The following ARHGEF26 variants were observed in gnomAD, a reference collection of about 807,000 sequenced individuals.
ARHGEF26 encodes Rho guanine nucleotide exchange factor (GEF) 26.
Under a neutral mutation model 89.4 loss-of-function variants are expected in ARHGEF26, and 59 were observed. The observed-to-expected ratio is 0.66, with a 90% CI of 0.54 to 0.82. The LOEUF is 0.82. Among genes scored for constraint, ARHGEF26 ranks in the 40% least tolerant of loss-of-function variants. The pLI, the probability that ARHGEF26 is intolerant of heterozygous loss-of-function variation, is 0.00. For synonymous variants in ARHGEF26, 500 were observed against 428.4 expected, an observed-to-expected ratio of 1.17 and a Z score of -2.06; for missense variants, 1,234 against 1,085.6, an observed-to-expected ratio of 1.14 and a Z score of -1.92.
chr3:154,250,053 G>A lies in ARHGEF26; in HGVS notation c.2301-3063G>A, dbSNP rs143075760. On this transcript the variant is annotated intron_variant, in intron 12 of 14. Coordinates refer to ENST00000465093, the MANE Select transcript of ARHGEF26 (RefSeq NM_015595.4). The stretch of plus-strand genomic sequence containing the variant: ...TTAGCAGGCTCTTTTTTTTTGAGAC[G>A]GAGTTTTGCTCTTGTCGCCTAGGCT... Among the ~76,000 whole-genome samples the A allele has an allele frequency of 2.3e-3, 354 of 151,768 alleles. 1 individual carries two copies. The highest frequency in any genetic ancestry group is 7.9e-3 in the African/African-American group (327 of 41,386).
intron 4 of ARHGEF26, among the ~76,000 whole-genome samples, chr3:154,142,872 C>T (rs1241004160): frequency 6.6e-6 from 1 of 152,182 alleles, no homozygotes; most frequent in Non-Finnish European, 1.5e-5. Context: ...TCATTTTCAG[C>T]ACTGCCTCAT....
At chr3:154,173,837 C>A (rs543284116) in intron 6 of ARHGEF26, among the ~76,000 whole-genome samples, 1 of 152,244 alleles carries the variant, frequency 6.6e-6, no homozygotes, top group East Asian at 1.9e-4. Context: ...CCTAAAAACT[C>A]AGTTTGTTTC....
intron 6 of ARHGEF26, among the ~76,000 whole-genome samples, chr3:154,176,134 T>A (rs1712801619): frequency 6.6e-6 from 1 of 152,184 alleles, no homozygotes; most frequent in South Asian, 2.1e-4. Flanking sequence ...TCCATCCCTT[T>A]TAAACCGGAG....
intron 6 of ARHGEF26, among the ~76,000 whole-genome samples, chr3:154,156,382 T>C (rs927813474): frequency 6.6e-6 from 1 of 152,252 alleles, no homozygotes. Flanking sequence ...TTTTGTCTAT[T>C]TTTTATTTAA....
chr3:154,160,823 G>A (rs992374167), intron 6 of ARHGEF26, among the ~76,000 whole-genome samples: 1 of 152,092 alleles, frequency 6.6e-6, no homozygotes, highest in Non-Finnish European at 1.5e-5. Context: ...CCTAGGTGCA[G>A]GAATTGATGA....
At chr3:154,159,111 TCTTTG>T (rs1711521528) in intron 6 of ARHGEF26, among the ~76,000 whole-genome samples, 1 of 152,086 alleles carries the variant, frequency 6.6e-6, no homozygotes, top group Non-Finnish European at 1.5e-5. Flanking sequence ...ATTAGATGAG[TCTTTG>T]CTTTGATGTT....
chr3:154,171,156 G>T (rs1185943949), intron 6 of ARHGEF26, among the ~76,000 whole-genome samples: 1 of 152,124 alleles, frequency 6.6e-6, no homozygotes, highest in South Asian at 2.1e-4. Flanking sequence ...TTTCCCACTG[G>T]ACAGCTCTTT....
Position 154,256,403 on chromosome 3 carries a change from A to C in ARHGEF26, c.*930A>C. On this transcript the variant is annotated 3_prime_UTR_variant, in exon 15 of 15. Transcript: ENST00000465093. ...ACGCCCAGCTACTTTTTGTATTTTT[A>C]GTAGAGACAGGGTTTCATCATGTTG... The C allele has an allele frequency of 1.3e-6, 1 of 758,712 alleles. No individual in the cohort carries two copies. 47.0% of individuals were successfully genotyped at this position (758,712 alleles called of 1,614,324 possible).
At chr3:154,204,036 C>T (rs753046162) in intron 9 of ARHGEF26, among the ~76,000 whole-genome samples, 8 of 152,046 alleles carry the variant, frequency 5.3e-5, no homozygotes, top group Non-Finnish European at 1.0e-4. Context: ...AGTATTCCCT[C>T]CTCCTCTATT....
rs371599338 is a variant in ARHGEF26 at position 154,142,941 on chromosome 3, C to T, written c.1270-6448C>T. The stretch of plus-strand genomic sequence containing the variant: ...TTTCTTTCTTATTGCCTCCCTTTAC[C>T]TTAGCTTCTCATTTCTTTTATCTAC... On this transcript the variant is annotated intron_variant, in intron 4 of 14. Transcript: ENST00000465093. 3.9e-5 allele frequency among the ~76,000 whole-genome samples: 6 copies of T among 152,186 alleles called. No individual in the cohort carries two copies. The East Asian group carries it at 5.8e-4, about 15-fold the overall frequency.
chr3:154,123,180 T>A, intron 2 of ARHGEF26, 105 bp downstream of exon 2: 2 of 1,481,510 alleles, frequency 1.3e-6, no homozygotes, highest in Non-Finnish European at 1.8e-6. Flanking sequence ...TCATTCCGTT[T>A]TAATTCTGTG....
Position 154,187,692 on chromosome 3 carries a change from A to G in ARHGEF26, c.1495A>G (p.Ile499Val), listed in dbSNP as rs956068222. 19 of 1,602,364 alleles carry G rather than the reference A, an allele frequency of 1.2e-5. No homozygotes were observed. The highest frequency in any genetic ancestry group is 2.6e-6 in the Non-Finnish European group (3 of 1,174,304). ...DVCEASKKFF[I>V]ELEARHQNNI... ...TTCCCTTTGGTTTTTCAGGTTCTTT[A>G]TAGAGTTGGAAGCAAGACATCAGAA... Residue 499 changes from isoleucine (I) to valine (V), a missense_variant, in exon 7 of 15, where the codon ATA becomes GTA. Transcript: ENST00000465093.
At chr3:154,176,402 T>TA (rs912665767) in intron 6 of ARHGEF26, among the ~76,000 whole-genome samples, 4 of 151,672 alleles carry the variant, frequency 2.6e-5, no homozygotes, top group African/African-American at 4.8e-5. Context: ...AAGAGGCAAT[T>TA]AAAAAAAAGA....
chr3:154,214,029 C>T (rs182826664), intron 9 of ARHGEF26, among the ~76,000 whole-genome samples: 7 of 152,132 alleles, frequency 4.6e-5, no homozygotes, highest in Admixed American at 2.6e-4. Context: ...AGGAGTCAGT[C>T]GGACAGAGTG....
At chr3:154,229,513 G>T (rs1348043109) in intron 11 of ARHGEF26, among the ~76,000 whole-genome samples, 1 of 152,204 alleles carries the variant, frequency 6.6e-6, no homozygotes. Context: ...GGTATTTGAA[G>T]CTTTGACTAG....
In ARHGEF26 at chr3:154,256,935, G is replaced by A. The variant is rs1162980681; in HGVS notation, c.*1462G>A. On this transcript the variant is annotated 3_prime_UTR_variant, in exon 15 of 15. Coordinates refer to ENST00000465093, the MANE Select transcript of ARHGEF26 (RefSeq NM_015595.4). ...AGATGAAGGATGGGAGATTAAGAGG[G>A]GGGAAATGATTTTTACTGGCAGCTA... 2 of 1,534,186 alleles carry A rather than the reference G, an allele frequency of 1.3e-6. No homozygotes were observed. The highest frequency in any genetic ancestry group is 2.0e-5 in the Admixed American group (1 of 50,766).
At chr3:154,199,248 T>C (rs1478887220) in intron 9 of ARHGEF26, among the ~76,000 whole-genome samples, 2 of 152,124 alleles carry the variant, frequency 1.3e-5, no homozygotes, top group Admixed American at 6.6e-5. Flanking sequence ...AGCATCATTC[T>C]ACTCTCTATG....
chr3:154,218,387 T>C (rs1271546194), intron 10 of ARHGEF26, among the ~76,000 whole-genome samples: 1 of 152,220 alleles, frequency 6.6e-6, no homozygotes, highest in East Asian at 1.9e-4. Flanking sequence ...AGATCGTTAA[T>C]GGATAATTTT....
At chr3:154,187,115 C>G (rs138571382) in intron 6 of ARHGEF26, 4 of 359,184 alleles carry the variant, frequency 1.1e-5, no homozygotes, top group African/African-American at 8.9e-5. Context: ...TGGTCTCGAT[C>G]CCTTCAACTC....
Sources: allele counts gnomAD v4.1 joint callset (sites outside exome capture counted in the v4.1 genomes callset), GRCh38; gene constraint gnomAD v4.1.1; transcripts MANE v1.5; gene names NCBI Gene and HGNC (gene_info 2026-07-23, HGNC 2026-07-21).